Variants in DLGAP1 observed in about 807,000 individuals in gnomAD.
The protein encoded by DLGAP1 is DLG associated protein 1, also known as disks large-associated protein 1.
DLGAP1 carries 11 observed loss-of-function variants against 90.8 expected under a neutral mutation model. That is an observed-to-expected ratio of 0.12 (90% CI 0.08 to 0.20). DLGAP1 has a LOEUF of 0.20. Among genes scored for constraint, DLGAP1 ranks in the 10% least tolerant of loss-of-function variants. DLGAP1 has a pLI of 1.00. For missense variants in DLGAP1, 1,050 were observed against 1,333.8 expected (o/e 0.79, Z 3.31); for synonymous variants, 558 against 540.7 (o/e 1.03, Z -0.44).
chr18:4,073,738 T>C (rs1453776855), intron 2 of DLGAP1, among the ~76,000 whole-genome samples: 2 of 152,136 alleles, frequency 1.3e-5, no homozygotes, highest in African/African-American at 2.4e-5. Context: ...AGAAAAAAAT[T>C]TGACACTGAT....
At chr18:4,115,494 C>CT (rs1555742760) in intron 2 of DLGAP1, among the ~76,000 whole-genome samples, 2 of 146,612 alleles carry the variant, frequency 1.4e-5, no homozygotes, top group Admixed American at 1.3e-4. Flanking sequence ...TTCTTTCTTT[C>CT]TTTTTTTTTG....
chr18:4,011,699 C>T (rs1014993772), intron 2 of DLGAP1, among the ~76,000 whole-genome samples: 13 of 151,988 alleles, frequency 8.6e-5, no homozygotes, highest in African/African-American at 3.1e-4. Context: ...TGGTGCACAC[C>T]TGTAGTCCCA....
intron 5 of DLGAP1, among the ~76,000 whole-genome samples, chr18:3,780,404 G>A (rs2065136220): frequency 6.6e-6 from 1 of 152,170 alleles, no homozygotes; most frequent in Admixed American, 6.5e-5. Flanking sequence ...CCTTTCTGCA[G>A]GTTCTAGGGG....
chr18:3,879,857 G>A lies in DLGAP1; in HGVS notation c.212C>T (p.Pro71Leu). 6.2e-7 allele frequency: 1 copy of A among 1,610,364 alleles called. No individual in the cohort carries two copies. Among genetic ancestry groups the A allele is most frequent in the Non-Finnish European group, 8.5e-7 (1 of 1,179,606 alleles). The change falls in exon 4 of 13, where the codon CCC (proline) becomes CTC (leucine). Residue 71 changes from proline to leucine, a missense_variant. Coordinates refer to ENST00000315677, the MANE Select transcript of DLGAP1 (RefSeq NM_004746.4). The surrounding 1 kb of genome is among the most constrained non-coding windows in gnomAD (Gnocchi z 6.6). The stretch of plus-strand genomic sequence containing the variant: ...TTGCTGCGAGGTGTAGTGCCTGCGG[G>A]GGAAGGTGCTGCTGGCCAGCGGGTC... Reference protein sequence around the residue: ...FSDPLASSTFPRRHYTSQQEL... With the variant: ...FSDPLASSTFLRRHYTSQQEL...
chr18:3,879,144 A>G lies in DLGAP1; in HGVS notation c.925T>C (p.Cys309Arg), dbSNP rs768366066. ...MDQAMVKSES[C>R]QQERSCQYLQ... The stretch of plus-strand genomic sequence containing the variant: ...TACTGGCAGGAGCGTTCTTGCTGAC[A>G]CGACTCGGACTTCACCATGGCCTGG... Residue 309 changes from cysteine (C) to arginine (R), a missense_variant, in exon 4 of 13, where the codon TGT (cysteine) becomes CGT (arginine). Physicochemically the swap from Cys to Arg is radical, Grantham distance 180 (BLOSUM62 -3). This residue lies in a region of DLGAP1 where 485 missense variants were observed against 454.1 expected (regional missense o/e 1.07). Coordinates refer to ENST00000315677, the MANE Select transcript of DLGAP1 (RefSeq NM_004746.4). This position sits in a 1 kb window ranked among gnomAD's most constrained non-coding sequence, Gnocchi z 6.6. The G allele has an allele frequency of 6.6e-7, 1 of 1,506,804 alleles. No homozygotes were observed. The highest frequency in any genetic ancestry group is 8.9e-7 in the Non-Finnish European group (1 of 1,127,320). 93.3% of individuals were successfully genotyped at this position (1,506,804 alleles called of 1,614,324 possible). A position where few individuals can be genotyped will look rare whatever the true frequency, so the allele number is the denominator to read the frequency against.
intron 3 of DLGAP1, chr18:3,995,791 G>C (rs2074057934): frequency 6.6e-6 from 1 of 150,628 alleles, no homozygotes; most frequent in African/African-American, 2.4e-5. Flanking sequence ...TTGCTATAGA[G>C]AATGTAAGAT....
chr18:4,245,718 G>C (rs558452548), intron 1 of DLGAP1, among the ~76,000 whole-genome samples: 1 of 152,256 alleles, frequency 6.6e-6, no homozygotes, highest in South Asian at 2.1e-4. Flanking sequence ...GAAGCATTAG[G>C]CTTCTTTTTC....
At chr18:3,893,971 T>C (rs1490894381) in intron 3 of DLGAP1, among the ~76,000 whole-genome samples, 1 of 152,230 alleles carries the variant, frequency 6.6e-6, no homozygotes, top group Non-Finnish European at 1.5e-5. Context: ...TGATGATTAG[T>C]GATGTTGAGC....
intron 1 of DLGAP1, among the ~76,000 whole-genome samples, chr18:4,345,553 C>T (rs986641898): frequency 4.6e-5 from 7 of 152,192 alleles, no homozygotes; most frequent in African/African-American, 1.7e-4. Context: ...GCAGAAACAA[C>T]ACAAATTGTG....
At chr18:4,258,023 G>GTATA (rs1555773259) in intron 1 of DLGAP1, among the ~76,000 whole-genome samples, 11 of 149,660 alleles carry the variant, frequency 7.3e-5, no homozygotes, top group African/African-American at 2.8e-4. Context: ...GCGCGCGCGC[G>GTATA]TATAACCTAT....
At chr18:3,774,420 C>A (rs867874346) in intron 5 of DLGAP1, 5 of 152,100 alleles carry the variant, frequency 3.3e-5, no homozygotes, top group African/African-American at 1.2e-4. Flanking sequence ...ACTAGTGATG[C>A]CTTTTCTTAG....
intron 2 of DLGAP1, among the ~76,000 whole-genome samples, chr18:4,039,982 T>C (rs2074951123): frequency 6.6e-6 from 1 of 152,244 alleles, no homozygotes; most frequent in Non-Finnish European, 1.5e-5. Flanking sequence ...AATGCCTTCC[T>C]TCGCTTTAAT....
intron 1 of DLGAP1, among the ~76,000 whole-genome samples, chr18:4,371,065 G>T (rs1681399354): frequency 6.6e-6 from 1 of 152,152 alleles, no homozygotes; most frequent in Non-Finnish European, 1.5e-5. Flanking sequence ...GAGACATAGA[G>T]GTAGCATGAC....
intron 11 of DLGAP1, among the ~76,000 whole-genome samples, chr18:3,507,093 G>C (rs560844622): frequency 4.6e-5 from 7 of 152,072 alleles, no homozygotes; most frequent in African/African-American, 1.7e-4. Context: ...GAGGGATGGA[G>C]ACTACCACCT....
intron 2 of DLGAP1, among the ~76,000 whole-genome samples, chr18:4,044,440 C>T (rs567285351): frequency 5.9e-5 from 9 of 152,274 alleles, no homozygotes; most frequent in African/African-American, 2.2e-4. Context: ...AACAGACACA[C>T]TTGTTAAAAA....
chr18:3,698,796 G>A (rs976790553), intron 7 of DLGAP1, among the ~76,000 whole-genome samples: 4 of 152,146 alleles, frequency 2.6e-5, no homozygotes, highest in East Asian at 1.9e-4. Context: ...CATAAGTTTG[G>A]TCTTTTCACA....
At chr18:3,559,809 T>A (rs2053970163) in intron 9 of DLGAP1, among the ~76,000 whole-genome samples, 1 of 151,628 alleles carries the variant, frequency 6.6e-6, no homozygotes, top group Non-Finnish European at 1.5e-5. Context: ...TTTTAATAGA[T>A]ACGGGGTTTC....
intron 7 of DLGAP1, among the ~76,000 whole-genome samples, chr18:3,644,426 T>TTTAC (rs969012799): frequency 6.6e-6 from 1 of 152,068 alleles, no homozygotes; most frequent in African/African-American, 2.4e-5. Flanking sequence ...TATTTATTTA[T>TTTAC]TGAGATGGAG....
chr18:3,817,320 A>C (rs1248163322), intron 4 of DLGAP1, among the ~76,000 whole-genome samples: 1 of 152,238 alleles, frequency 6.6e-6, no homozygotes, highest in Non-Finnish European at 1.5e-5. Flanking sequence ...TACTAGAAAC[A>C]GTCTGTAACT....
Sources: allele counts gnomAD v4.1 joint callset (sites outside exome capture counted in the v4.1 genomes callset), GRCh38; gene constraint gnomAD v4.1.1; regional missense constraint gnomAD v4.1.1; non-coding constraint Gnocchi (gnomAD v3.1); transcripts MANE v1.5; gene names NCBI Gene and HGNC (gene_info 2026-07-23, HGNC 2026-07-21).